SLC27A3: variants seen among roughly 807,000 people sequenced by gnomAD.
The protein encoded by SLC27A3 is long-chain fatty acid transport protein 3.
In SLC27A3, 60 loss-of-function variants were observed where a neutral mutation model predicts 60.1. The observed-to-expected ratio is 1.00, with a 90% confidence interval of 0.81 to 1.24. The LOEUF is 1.24. Among genes scored for constraint, SLC27A3 ranks in the 50% most tolerant of loss-of-function variants. SLC27A3 has a pLI of 0.00. For synonymous variants in SLC27A3, 455 were observed against 409.0 expected (o/e 1.11, Z -1.36); for missense variants, 1,079 against 929.9 (o/e 1.16, Z -2.09).
In SLC27A3 at chr1:153,776,733, G is replaced by A. The variant is rs1673250903; in HGVS notation, c.877+6G>A. ...CTTCACCTCTGGCACCACGGGTGAG[G>A]GCCGGGCACCATACTTAGCTCCCCG... On this transcript the variant is annotated splice_donor_region_variant and intron_variant, in intron 2 of 9. Transcript: ENST00000624995. The A allele has an allele frequency of 6.2e-7, 1 of 1,613,822 alleles. No individual in the cohort carries two copies. Among genetic ancestry groups the A allele is most frequent in the African/African-American group, 1.3e-5 (1 of 74,926 alleles).
At position 153,775,603 on chromosome 1, in the gene SLC27A3, G is replaced by T. The variant is rs747340789; in HGVS notation, c.106G>T (p.Ala36Ser). The T allele has an allele frequency of 6.3e-7, 1 of 1,595,094 alleles. No individual in the cohort carries two copies. The highest frequency in any genetic ancestry group is 8.5e-7 in the Non-Finnish European group (1 of 1,173,704). The change falls in exon 1 of 10, where the codon GCG becomes TCG. Residue 36 changes from alanine to serine, a missense_variant. Coordinates refer to ENST00000624995, the MANE Select transcript of SLC27A3 (RefSeq NM_024330.4). ...LRWLPADLAFAVRALCCKRAL... is the reference protein window; with the variant it reads ...LRWLPADLAFSVRALCCKRAL... ...CTGGCTTCCGGCGGACTTGGCCTTT[G>T]CGGTGCGAGCTCTGTGCTGCAAAAG... is the stretch of plus-strand genomic sequence containing the variant.
At chr1:153,777,960 A>T (rs1673318292) in intron 4 of SLC27A3, 75 bp downstream of exon 4, 1 of 1,598,734 alleles carries the variant, frequency 6.3e-7, no homozygotes. Context: ...TTGACAGGAG[A>T]CAGGGAGTTG....
rs756498765 is a variant in SLC27A3 at position 153,778,780 on chromosome 1, A to C, written c.1541A>C (p.Lys514Thr). ...GPELAQGKLL[K>T]DVFRPGDVFF... Reference sequence around the variant, plus strand: ...GAGCTGGCCCAGGGGAAGTTGCTAAAGGATGTCTTCCGGCCTGGGGATGTT... The same window carrying C: ...GAGCTGGCCCAGGGGAAGTTGCTAACGGATGTCTTCCGGCCTGGGGATGTT... The change falls in exon 7 of 10, where the codon AAG becomes ACG. Residue 514 changes from lysine to threonine, a missense_variant. Coordinates refer to ENST00000624995, the MANE Select transcript of SLC27A3 (RefSeq NM_024330.4). 3.7e-6 allele frequency: 6 copies of C among 1,614,126 alleles called. No homozygotes were observed. The highest frequency in any genetic ancestry group is 1.1e-5 in the South Asian group (1 of 91,084).
In SLC27A3 at chr1:153,775,944, C is replaced by G. The variant is rs1305944351; in HGVS notation, c.447C>G (p.Ala149=). ...CGGCCGGAAGCGGCGCGGAGTTTGC[C>G]GGAGGGGACGGTGCCGCCAGAGGTG... ...DAAAGSGAEF[A]GGDGAARGGG... The change falls in exon 1 of 10, where the codon GCC becomes GCG. Residue 149 remains alanine, a synonymous_variant. Transcript: ENST00000624995. The G allele has an allele frequency of 1.2e-5, 17 of 1,448,480 alleles. No individual in the cohort carries two copies. The highest frequency in any genetic ancestry group is 1.5e-5 in the Non-Finnish European group (17 of 1,107,866). 89.7% of individuals were successfully genotyped at this position (1,448,480 alleles called of 1,614,324 possible). A position where few individuals can be genotyped will look rare whatever the true frequency, so the allele number is the denominator to read the frequency against.
chr1:153,779,347 T>G lies in SLC27A3; in HGVS notation c.1749T>G (p.His583Gln), dbSNP rs144962694. ...TCTGTCTCCCACACCCACCAGGGCA[T>G]GAAGGCAGGGCTGGAATGGCAGCCC... Reference protein sequence around the residue: ...VNVYGVTVPGHEGRAGMAALV... With the variant: ...VNVYGVTVPGQEGRAGMAALV... The change falls in exon 9 of 10, where the codon CAT (histidine) becomes CAG (glutamine). Residue 583 changes from histidine (H) to glutamine (Q), a missense_variant. By Grantham distance (24) the His-to-Gln change is conservative (BLOSUM62 0). Coordinates refer to ENST00000624995, the MANE Select transcript of SLC27A3 (RefSeq NM_024330.4). The G allele has an allele frequency of 5.9e-5, 96 of 1,613,868 alleles. No homozygotes were observed. Among genetic ancestry groups the G allele is most frequent in the African/African-American group, 3.2e-4 (24 of 74,880 alleles).
Position 153,779,428 on chromosome 1 carries a change from T to C in SLC27A3, c.1830T>C (p.Ser610=), listed in dbSNP as rs1481381474. ...LDLMQLYTHV[S]ENLPPYARPR... ...TTATGCAGCTCTACACCCACGTGTC[T>C]GAGAACTTGCCACCTTATGCCCGGC... Residue 610 remains serine (S), a synonymous_variant, in exon 9 of 10, where the codon TCT becomes TCC. Transcript: ENST00000624995. 6.2e-7 allele frequency: 1 copy of C among 1,613,872 alleles called. No individual in the cohort carries two copies. Among genetic ancestry groups the C allele is most frequent in the Admixed American group, 1.7e-5 (1 of 59,992 alleles).
At chr1:153,777,561 A>G (rs911207539) in intron 3 of SLC27A3, 200 bp from the exon 4 acceptor site, 5 of 676,070 alleles carry the variant, frequency 7.4e-6, no homozygotes, top group Non-Finnish European at 1.3e-5. Flanking sequence ...GGGAAAGGGC[A>G]TTCACCTCTT....
chr1:153,775,946 G>C lies in SLC27A3; in HGVS notation c.449G>C (p.Gly150Ala). The change falls in exon 1 of 10, where the codon GGA becomes GCA. Residue 150 changes from glycine (G) to alanine (A), a missense_variant. Gly to Ala is a moderately conservative substitution (Grantham distance 60, BLOSUM62 0). Coordinates refer to ENST00000624995, the MANE Select transcript of SLC27A3 (RefSeq NM_024330.4). ...AAAGSGAEFA[G>A]GDGAARGGGA... ...GCCGGAAGCGGCGCGGAGTTTGCCG[G>C]AGGGGACGGTGCCGCCAGAGGTGGA... 1 of 1,450,266 alleles carries C rather than the reference G, an allele frequency of 6.9e-7. No homozygotes were observed. Among genetic ancestry groups the C allele is most frequent in the Non-Finnish European group, 9.0e-7 (1 of 1,108,720 alleles). The allele number at this position is 1,450,266 out of a possible 1,614,324, so 89.8% of individuals were successfully genotyped here.
Position 153,776,683 on chromosome 1 carries a change from G to C in SLC27A3, c.833G>C (p.Ser278Thr). ...CCAGGATACCTCTCTTCCCCCCAGA[G>C]CATAACAGACACGTGCCTGTACATC... ...PVPGYLSSPQ[S>T]ITDTCLYIFT... The change falls in exon 2 of 10, where the codon AGC becomes ACC. Residue 278 changes from serine to threonine, a missense_variant. By Grantham distance (58) the Ser-to-Thr change is moderately conservative. Coordinates refer to ENST00000624995, the MANE Select transcript of SLC27A3 (RefSeq NM_024330.4). 1 of 1,614,168 alleles carries C rather than the reference G, an allele frequency of 6.2e-7. No homozygotes were observed. Among genetic ancestry groups the C allele is most frequent in the African/African-American group, 1.3e-5 (1 of 75,040 alleles).
intron 4 of SLC27A3, 86 bp downstream of exon 4, chr1:153,777,971 G>A: frequency 6.3e-7 from 1 of 1,582,952 alleles, no homozygotes; most frequent in Non-Finnish European, 8.6e-7. Flanking sequence ...CAGGGAGTTG[G>A]AGGGAGAAGC....
At chr1:153,779,233 G>A in intron 8 of SLC27A3, 22 bp downstream of exon 8, 1 of 1,613,158 alleles carries the variant, frequency 6.2e-7, no homozygotes, top group Non-Finnish European at 8.5e-7. Context: ...TGGAAGGTGG[G>A]GGAGGCACCC....
Position 153,779,828 on chromosome 1 carries a change from G to T in SLC27A3, c.1878G>T (p.Glu626Asp). The T allele has an allele frequency of 3.1e-6, 5 of 1,613,784 alleles. No individual in the cohort carries two copies. Among genetic ancestry groups the T allele is most frequent in the Non-Finnish European group, 4.2e-6 (5 of 1,179,852 alleles). ...YARPRFLRLQ[E>D]SLATTETFKQ... ...ATCCCTGACCCTCCTGTCCCCAGGA[G>T]TCTTTGGCCACCACAGAGACCTTCA... is the stretch of plus-strand genomic sequence containing the variant. The change falls in exon 10 of 10, where the codon GAG (glutamate) becomes GAT (aspartate). Residue 626 changes from glutamate to aspartate, a missense_variant and splice_region_variant. Physicochemically the swap from Glu to Asp is conservative, Grantham distance 45. Coordinates refer to ENST00000624995, the MANE Select transcript of SLC27A3 (RefSeq NM_024330.4).
At chr1:153,777,616 A>G in intron 3 of SLC27A3, 145 bp from the exon 4 acceptor site, 2 of 1,065,286 alleles carry the variant, frequency 1.9e-6, no homozygotes, top group Admixed American at 4.1e-5. Flanking sequence ...GAGGGCCAGC[A>G]CGGCTTCCTG....
intron 9 of SLC27A3, 82 bp from the exon 10 acceptor site, chr1:153,779,744 C>T: frequency 7.3e-7 from 1 of 1,372,376 alleles, no homozygotes; most frequent in Non-Finnish European, 1.0e-6. Flanking sequence ...AAGACTTGCT[C>T]CTTAACAAAA....
chr1:153,776,740 C>A lies in SLC27A3; in HGVS notation c.877+13C>A. ...TCTGGCACCACGGGTGAGGGCCGGG[C>A]ACCATACTTAGCTCCCCGAAACCAA... On this transcript the variant is annotated intron_variant, in intron 2 of 9. Transcript: ENST00000624995. The A allele has an allele frequency of 6.2e-7, 1 of 1,613,492 alleles. No individual in the cohort carries two copies. The highest frequency in any genetic ancestry group is 8.5e-7 in the Non-Finnish European group (1 of 1,179,548).
Position 153,778,481 on chromosome 1 carries a change from T to C in SLC27A3, c.1375T>C (p.Leu459=). ...TCCCCAGCATATCTTCCCCTTCTCCTTGATTCGCTATGATGTCACCACAGG... is the reference window on the plus strand; with the variant it reads ...TCCCCAGCATATCTTCCCCTTCTCCCTGATTCGCTATGATGTCACCACAGG... ...WLYKHIFPFS[L]IRYDVTTGEP... is the part of the protein sequence containing the mutation. Residue 459 remains leucine, a synonymous_variant, in exon 6 of 10, where the codon TTG becomes CTG. Coordinates refer to ENST00000624995, the MANE Select transcript of SLC27A3 (RefSeq NM_024330.4). 1 of 1,614,194 alleles carries C rather than the reference T, an allele frequency of 6.2e-7. No homozygotes were observed. Among genetic ancestry groups the C allele is most frequent in the Non-Finnish European group, 8.5e-7 (1 of 1,180,020 alleles).
Position 153,778,685 on chromosome 1 carries a change from A to C in SLC27A3, c.1448-2A>C, listed in dbSNP as rs1190443217. 6.2e-7 allele frequency: 1 copy of C among 1,612,826 alleles called. No homozygotes were observed. The highest frequency in any genetic ancestry group is 8.5e-7 in the Non-Finnish European group (1 of 1,179,920). On this transcript the variant is annotated splice_acceptor_variant, in intron 6 of 9. Coordinates refer to ENST00000624995, the MANE Select transcript of SLC27A3 (RefSeq NM_024330.4). LOFTEE classifies it high-confidence loss of function. ...CACTCCTGACCCTGGTGACTCTGCC[A>C]GGTGAGCCAGGGCTGCTGGTGGCCC...
rs1463400017 is a variant in SLC27A3 at position 153,778,522 on chromosome 1, C to T, written c.1416C>T (p.Asp472=). The T allele has an allele frequency of 1.2e-6, 2 of 1,614,154 alleles. No individual in the cohort carries two copies. Among genetic ancestry groups the T allele is most frequent in the Non-Finnish European group, 1.7e-6 (2 of 1,179,988 alleles). The change falls in exon 6 of 10, where the codon GAC becomes GAT. Residue 472 remains aspartate, a synonymous_variant. Transcript: ENST00000624995. ...TCACCACAGGAGAGCCAATTCGGGA[C>T]CCCCAGGGGCACTGTATGGCCACAT... ...YDVTTGEPIR[D]PQGHCMATSP...
Position 153,779,186 on chromosome 1 carries a change from G to T in SLC27A3, c.1719G>T (p.Val573=). 6.2e-7 allele frequency: 1 copy of T among 1,614,164 alleles called. No homozygotes were observed. Among genetic ancestry groups the T allele is most frequent in the Non-Finnish European group, 8.5e-7 (1 of 1,180,020 alleles). The change falls in exon 8 of 10, where the codon GTG becomes GTT. Residue 573 remains valine (V), a synonymous_variant. Coordinates refer to ENST00000624995, the MANE Select transcript of SLC27A3 (RefSeq NM_024330.4). ...AGGCCCTAGATTTTCTTCAGGAGGT[G>T]AACGTCTATGGAGTCACTGTGCCAG... ...VFEALDFLQE[V]NVYGVTVPGH...
Sources: gnomAD v4.1 joint callset for allele counts on GRCh38, gnomAD v4.1.1 for gene constraint, MANE v1.5 for transcripts, NCBI Gene and HGNC (gene_info 2026-07-23, HGNC 2026-07-21) for gene names.